The following ADGRB3 variants were observed in gnomAD, a reference collection of about 807,000 sequenced individuals.
ADGRB3 encodes brain-specific angiogenesis inhibitor 3.
Under a neutral mutation model 193.4 loss-of-function variants are expected in ADGRB3, and 37 were observed. The observed-to-expected ratio is 0.19, with a 90% confidence interval of 0.15 to 0.25. The LOEUF (loss-of-function observed/expected upper bound fraction) is 0.25. Among genes scored for constraint, ADGRB3 ranks in the 10% least tolerant of loss-of-function variants. The pLI is 1.00. For missense variants in ADGRB3, 1,637 were observed against 1,852.9 expected (o/e 0.88, Z 2.14); for synonymous variants, 690 against 644.2 (o/e 1.07, Z -1.08).
chr6:69,055,557 C>T (rs1264785263), intron 15 of ADGRB3, among the ~76,000 whole-genome samples: 1 of 152,166 alleles, frequency 6.6e-6, no homozygotes, highest in South Asian at 2.1e-4. Context: ...AATCAGCTTG[C>T]TTCCACCTCT....
chr6:69,222,967 A>G (rs1297638393), intron 17 of ADGRB3, among the ~76,000 whole-genome samples: 1 of 152,116 alleles, frequency 6.6e-6, no homozygotes, highest in East Asian at 1.9e-4. Context: ...AATTGAATGC[A>G]GTTTTTCATA....
intron 3 of ADGRB3, among the ~76,000 whole-genome samples, chr6:68,756,599 C>T (rs1039163148): frequency 6.6e-6 from 1 of 151,960 alleles, no homozygotes; most frequent in Admixed American, 6.6e-5. Context: ...ATATTCAATA[C>T]CAAAAAAAAT....
chr6:69,141,171 T>C (rs12189742), intron 17 of ADGRB3, among the ~76,000 whole-genome samples: 21,035 of 148,874 alleles, frequency 0.14, 2,033 homozygotes, highest in Middle Eastern at 0.21. Flanking sequence ...TCGCCCAGGC[T>C]GGAGTGCAGT....
At chr6:69,273,148 G>A (rs538493334) in intron 20 of ADGRB3, among the ~76,000 whole-genome samples, 5 of 152,204 alleles carry the variant, frequency 3.3e-5, no homozygotes, top group South Asian at 2.1e-4. Flanking sequence ...TGATCCGCCC[G>A]CCTTGGCCTC....
chr6:68,834,538 A>C (rs1307856080), intron 3 of ADGRB3, among the ~76,000 whole-genome samples: 1 of 152,194 alleles, frequency 6.6e-6, no homozygotes, highest in Non-Finnish European at 1.5e-5. Context: ...TAAATTCAAA[A>C]TTATAGAACA....
intron 3 of ADGRB3, among the ~76,000 whole-genome samples, chr6:68,696,843 TTTA>T (rs1561997570): frequency 6.6e-6 from 1 of 152,096 alleles, no homozygotes; most frequent in Non-Finnish European, 1.5e-5. Context: ...AAGCATTTTC[TTTA>T]AAGAAAATCT....
intron 11 of ADGRB3, among the ~76,000 whole-genome samples, chr6:69,007,691 T>TCACA (rs1459915971): frequency 2.2e-4 from 16 of 73,332 alleles, no homozygotes; most frequent in African/African-American, 1.0e-3. Flanking sequence ...TCTCTCTCTC[T>TCACA]CTCACACACA....
At position 68,797,089 on chromosome 6, in the gene ADGRB3, G is replaced by A. The variant is rs116123966; in HGVS notation, c.758-133470G>A. Reference sequence around the variant, plus strand: ...TAGCAGCAAAAGTAAGCCATGACACGGAACTGAAGGAGCCATGATGAAAAT... The same window carrying A: ...TAGCAGCAAAAGTAAGCCATGACACAGAACTGAAGGAGCCATGATGAAAAT... On this transcript the variant is annotated intron_variant, in intron 3 of 31. Transcript: ENST00000370598. 3.2e-3 allele frequency among the ~76,000 whole-genome samples: 492 copies of A among 152,208 alleles called. 4 individuals carry two copies. The highest frequency in any genetic ancestry group is 0.011 in the African/African-American group (467 of 41,546).
intron 17 of ADGRB3, among the ~76,000 whole-genome samples, chr6:69,157,147 C>T (rs149627989): frequency 6.6e-6 from 1 of 152,078 alleles, no homozygotes; most frequent in Admixed American, 6.5e-5. Flanking sequence ...CCCATCTGTA[C>T]GTAGAGATGA....
chr6:69,111,083 A>G (rs1002336202), intron 17 of ADGRB3, among the ~76,000 whole-genome samples: 25 of 152,206 alleles, frequency 1.6e-4, no homozygotes, highest in Admixed American at 4.6e-4. Flanking sequence ...CTCACACAGA[A>G]CCTTAGAATT....
chr6:69,031,096 CTTCTCTTCTCT>C (rs1770662387), intron 13 of ADGRB3, among the ~76,000 whole-genome samples: 1 of 70,352 alleles, frequency 1.4e-5, no homozygotes, highest in Admixed American at 1.4e-4. Context: ...CTTCTCTTCT[CTTCTCTTCTCT>C]TCTCTTCTCT....
chr6:69,215,858 T>G (rs1340964473), intron 17 of ADGRB3, among the ~76,000 whole-genome samples: 2 of 152,164 alleles, frequency 1.3e-5, no homozygotes, highest in Non-Finnish European at 2.9e-5. Context: ...TGAAATAAAT[T>G]TCTTAGGCCC....
rs531918012 is a variant in ADGRB3, at chr6:69,079,529, C to T, written c.2480+3491C>T. Among the ~76,000 whole-genome samples the T allele has an allele frequency of 6.2e-4, 95 of 152,064 alleles. No individual in the cohort carries two copies. The South Asian group carries it at 0.019, about 31-fold the overall frequency. ...GAAAACTGGCACAAGACAAGGATGC[C>T]CTCTCTCACCACTCCTATTCAACGT... On this transcript the variant is annotated intron_variant, in intron 17 of 31. Transcript: ENST00000370598.
chr6:68,876,730 T>G (rs956234709), intron 3 of ADGRB3, among the ~76,000 whole-genome samples: 2 of 152,212 alleles, frequency 1.3e-5, no homozygotes, highest in Non-Finnish European at 2.9e-5. Context: ...ACAGTTACAT[T>G]TATGTATTGT....
At chr6:68,992,274 G>C (rs1769259179) in intron 10 of ADGRB3, among the ~76,000 whole-genome samples, 1 of 152,130 alleles carries the variant, frequency 6.6e-6, no homozygotes, top group South Asian at 2.1e-4. Context: ...AAAATCTGAA[G>C]TCATGAAACG....
chr6:68,680,776 T>A (rs142394522), intron 3 of ADGRB3, among the ~76,000 whole-genome samples: 2 of 152,130 alleles, frequency 1.3e-5, no homozygotes, highest in Non-Finnish European at 1.5e-5. Context: ...AATATATAAG[T>A]ATTAAGATCT....
At chr6:68,943,724 C>T (rs1303391015) in intron 5 of ADGRB3, 106 bp from the exon 6 acceptor site, 30 of 910,334 alleles carry the variant, frequency 3.3e-5, no homozygotes, top group Admixed American at 1.1e-4. Context: ...TTTAACATAT[C>T]TTTACATTTG....
chr6:69,100,858 G>A (rs1562159380), intron 17 of ADGRB3, among the ~76,000 whole-genome samples: 20 of 43,732 alleles, frequency 4.6e-4, no homozygotes, highest in South Asian at 1.0e-3. Context: ...GGGAGGGAAG[G>A]AAGGAAGGAA....
chr6:68,640,463 G>A (rs1036954638), intron 3 of ADGRB3, among the ~76,000 whole-genome samples: 18 of 152,214 alleles, frequency 1.2e-4, no homozygotes, highest in Non-Finnish European at 2.4e-4. Context: ...AATGGATGTT[G>A]TGTTCCACTC....
Sources: allele counts gnomAD v4.1 joint callset (sites outside exome capture counted in the v4.1 genomes callset), GRCh38; gene constraint gnomAD v4.1.1; transcripts MANE v1.5; gene names NCBI Gene and HGNC (gene_info 2026-07-23, HGNC 2026-07-21).